The following PPIL4 variants were observed in gnomAD, a reference collection of about 807,000 sequenced individuals.
PPIL4 encodes the protein peptidylprolyl isomerase like 4.
In PPIL4, 50 loss-of-function variants were observed where a neutral mutation model predicts 69.1. The ratio of observed to expected loss-of-function variants is 0.72; its 90% CI spans 0.58 to 0.92. The LOEUF is 0.92. Ranked by LOEUF, PPIL4 falls within the 40% of genes least tolerant of loss-of-function variation. The pLI is 0.00. For missense variants in PPIL4, 480 were observed against 587.9 expected, an observed-to-expected ratio of 0.82 and a Z score of 1.90; for synonymous variants, 193 against 191.6, an observed-to-expected ratio of 1.01 and a Z score of -0.06.
chr6:149,523,372 A>T (rs1301572831), intron 9 of PPIL4, among the ~76,000 whole-genome samples: 1 of 152,180 alleles, frequency 6.6e-6, no homozygotes, highest in East Asian at 1.9e-4. Context: ...CATCCAGAAA[A>T]TATAAAGAAT....
At chr6:149,515,238 C>T (rs970522463) in intron 11 of PPIL4, among the ~76,000 whole-genome samples, 2 of 151,658 alleles carry the variant, frequency 1.3e-5, no homozygotes, top group African/African-American at 2.4e-5. Flanking sequence ...CCTCCCACCT[C>T]GGCCTCCCAC....
At chr6:149,516,375 C>T (rs1400620610) in intron 11 of PPIL4, among the ~76,000 whole-genome samples, 1 of 152,154 alleles carries the variant, frequency 6.6e-6, no homozygotes. Context: ...ATGCTTTATA[C>T]ATTGCAGACA....
chr6:149,533,925 G>A (rs1777236264), intron 6 of PPIL4, among the ~76,000 whole-genome samples: 1 of 152,128 alleles, frequency 6.6e-6, no homozygotes, highest in Non-Finnish European at 1.5e-5. Flanking sequence ...GGGAGAACAC[G>A]CAGGTGGATC....
chr6:149,522,532 A>G (rs1336113410), intron 9 of PPIL4, among the ~76,000 whole-genome samples: 1 of 152,220 alleles, frequency 6.6e-6, no homozygotes, highest in African/African-American at 2.4e-5. Context: ...CAAAAGTGGT[A>G]CTACAGAGCT....
intron 7 of PPIL4, among the ~76,000 whole-genome samples, chr6:149,530,272 A>G (rs1777176109): frequency 6.6e-6 from 1 of 152,192 alleles, no homozygotes; most frequent in Non-Finnish European, 1.5e-5. Context: ...GTTTTTCTGT[A>G]ATTCTAAAAT....
At position 149,531,051 on chromosome 6, in the gene PPIL4, T is replaced by G. The variant is rs958814528; in HGVS notation, c.678+2407A>C. Among the ~76,000 whole-genome samples the G allele has an allele frequency of 1.3e-5, 2 of 151,726 alleles. 1 individual carries two copies. Among genetic ancestry groups the G allele is most frequent in the South Asian group, 4.2e-4 (2 of 4,818 alleles). On this transcript the variant is annotated intron_variant, in intron 7 of 12. Transcript: ENST00000253329. The stretch of plus-strand genomic sequence containing the variant: ...CCTGAATCTAATCATGAGGAAAGAG[T>G]AGATAAACCTAAATTGAAAAATATT...
chr6:149,521,295 G>A (rs924627125), intron 9 of PPIL4, 124 bp from the exon 10 acceptor site: 32 of 642,960 alleles, frequency 5.0e-5, no homozygotes, highest in African/African-American at 3.5e-4. Context: ...TTACACACCC[G>A]ATGCTGTTAA....
intron 6 of PPIL4, 87 bp from the exon 7 acceptor site, chr6:149,533,661 T>A (rs1777232773): frequency 1.4e-6 from 1 of 731,338 alleles, no homozygotes; most frequent in Non-Finnish European, 2.2e-6. Context: ...CTTAGTTATA[T>A]CAAACATGCT....
chr6:149,536,175 T>A (rs973709887), intron 4 of PPIL4, among the ~76,000 whole-genome samples: 1 of 152,234 alleles, frequency 6.6e-6, no homozygotes, highest in South Asian at 2.1e-4. Context: ...GTGAACTTAA[T>A]CCATAAATGT....
intron 4 of PPIL4, among the ~76,000 whole-genome samples, chr6:149,536,680 CA>C (rs1777280939): frequency 6.9e-6 from 1 of 145,298 alleles, no homozygotes; most frequent in Admixed American, 7.2e-5. Flanking sequence ...CTGAAGCTAG[CA>C]GAGGTTAATT....
At chr6:149,527,482 C>G (rs967102596) in intron 7 of PPIL4, among the ~76,000 whole-genome samples, 1 of 151,768 alleles carries the variant, frequency 6.6e-6, no homozygotes, top group Admixed American at 6.6e-5. Context: ...CTTCAAAGAC[C>G]AATTTTACCC....
chr6:149,517,728 G>C, intron 10 of PPIL4: 1 of 242,056 alleles, frequency 4.1e-6, no homozygotes, highest in Non-Finnish European at 7.9e-6. Context: ...TGTTCAAGTA[G>C]AGCCATTGAG....
chr6:149,523,181 G>A (rs1484824333), intron 9 of PPIL4, among the ~76,000 whole-genome samples: 1 of 151,926 alleles, frequency 6.6e-6, no homozygotes. Flanking sequence ...ATTAAGAAAG[G>A]AAAAAGGCAT....
intron 12 of PPIL4, among the ~76,000 whole-genome samples, chr6:149,506,815 C>CA (rs1264859736): frequency 6.6e-6 from 1 of 152,148 alleles, no homozygotes; most frequent in African/African-American, 2.4e-5. Flanking sequence ...AGGGTGGTCT[C>CA]AAACTCCTGG....
Position 149,541,562 on chromosome 6 carries a change from C to T in PPIL4, c.95G>A (p.Cys32Tyr), listed in dbSNP as rs765183074. Residue 32 changes from cysteine (C) to tyrosine (Y), a missense_variant, in exon 2 of 13, where the codon TGC becomes TAC. By Grantham distance (194) the Cys-to-Tyr change is radical. Coordinates refer to ENST00000253329, the MANE Select transcript of PPIL4 (RefSeq NM_139126.4). ...GCAATAATTGTAATATTTTATTTTG[C>T]ACAGTTTCAAGAAATTCAAGCAGGC... ...PRACLNFLKL[C>Y]KIKYYNYCLI... 1 of 1,581,580 alleles carries T rather than the reference C, an allele frequency of 6.3e-7. No homozygotes were observed. The highest frequency in any genetic ancestry group is 1.1e-5 in the South Asian group (1 of 89,670).
chr6:149,505,659 TTTC>T lies in PPIL4; in HGVS notation c.1270_1272del (p.Glu424del), dbSNP rs1004607140. The T allele has an allele frequency of 1.9e-6, 3 of 1,613,960 alleles. No individual in the cohort carries two copies. In the African/African-American group the frequency reaches 4.0e-5, roughly 22 times the overall value. On this transcript the variant is annotated inframe_deletion, in exon 13 of 13. Transcript: ENST00000253329. ...TCACTCTTTTGTTTCTCCCAACAGC[TTTC>T]TTCTTCTTCATAGTGACCAAACCCC...
chr6:149,531,363 C>CA (rs34176914), intron 7 of PPIL4, among the ~76,000 whole-genome samples: 4,149 of 65,606 alleles, frequency 0.063, 132 homozygotes, highest in Middle Eastern at 0.1. Flanking sequence ...GATTCTGTCT[C>CA]AAAAAAAAAA....
chr6:149,527,865 C>G (rs1389130077), intron 7 of PPIL4, among the ~76,000 whole-genome samples: 1 of 152,124 alleles, frequency 6.6e-6, no homozygotes, highest in African/African-American at 2.4e-5. Flanking sequence ...GCCCTTCCCC[C>G]CAAAATCTTG....
At chr6:149,512,368 G>T (rs775573890) in intron 11 of PPIL4, 66 bp from the exon 12 acceptor site, 486 of 1,234,802 alleles carry the variant, frequency 3.9e-4, no homozygotes, top group Non-Finnish European at 4.9e-4. Context: ...CTTAAGATCT[G>T]GTAAACAAAG....
Sources: gnomAD v4.1 joint callset for allele counts (sites outside exome capture counted in the v4.1 genomes callset) on GRCh38, gnomAD v4.1.1 for gene constraint, MANE v1.5 for transcripts, NCBI Gene and HGNC (gene_info 2026-07-23, HGNC 2026-07-21) for gene names.